ADGRA1: variants seen among roughly 807,000 people sequenced by gnomAD.
ADGRA1 encodes the protein adhesion G protein-coupled receptor A1, also known as G-protein coupled receptor 123.
In ADGRA1, 12 loss-of-function variants were observed where a neutral mutation model predicts 21.3. That is an observed-to-expected ratio of 0.56 (90% CI 0.36 to 0.91). ADGRA1 has a LOEUF of 0.91. Among genes scored for constraint, ADGRA1 ranks in the 40% least tolerant of loss-of-function variants. ADGRA1 has a pLI of 0.01. For missense variants in ADGRA1, 790 were observed against 805.6 expected (o/e 0.98, Z 0.23); for synonymous variants, 385 against 368.8 (o/e 1.04, Z -0.50).
intron 5 of ADGRA1, among the ~76,000 whole-genome samples, chr10:133,108,778 A>C (rs1375611242): frequency 1.3e-5 from 2 of 152,064 alleles, no homozygotes; most frequent in Non-Finnish European, 2.9e-5. Flanking sequence ...TACTGGGTGC[A>C]TGTGGCCCCA....
intron 5 of ADGRA1, among the ~76,000 whole-genome samples, chr10:133,118,281 G>A (rs953889749): frequency 1.3e-5 from 2 of 152,108 alleles, no homozygotes; most frequent in African/African-American, 4.8e-5. Flanking sequence ...GTTAAGGTAC[G>A]TACGTTGTTT....
intron 2 of ADGRA1, among the ~76,000 whole-genome samples, chr10:133,094,367 G>T (rs1851652189): frequency 6.6e-6 from 1 of 152,254 alleles, no homozygotes; most frequent in Non-Finnish European, 1.5e-5. Context: ...GAGGCAGCGG[G>T]ACAGGACGCG....
chr10:133,102,215 C>G (rs899647343), intron 4 of ADGRA1: 1 of 458,154 alleles, frequency 2.2e-6, no homozygotes, highest in African/African-American at 2.0e-5. Flanking sequence ...GAATGAGGAA[C>G]GGCGACCTGC....
intron 6 of ADGRA1, 70 bp downstream of exon 6, chr10:133,127,401 C>G: frequency 8.3e-7 from 1 of 1,203,214 alleles, no homozygotes; most frequent in Non-Finnish European, 1.2e-6. Flanking sequence ...CCCTCCCAGG[C>G]ACCTGTGGTG....
chr10:133,090,196 G>A (rs907998839), intron 2 of ADGRA1, among the ~76,000 whole-genome samples: 7 of 152,204 alleles, frequency 4.6e-5, no homozygotes, highest in Non-Finnish European at 8.8e-5. Flanking sequence ...TGGCCCTTCT[G>A]CGAACAACTG....
At chr10:133,105,449 C>A (rs1345370819) in intron 5 of ADGRA1, among the ~76,000 whole-genome samples, 1 of 152,038 alleles carries the variant, frequency 6.6e-6, no homozygotes, top group East Asian at 1.9e-4. Context: ...TCCTGAGCAG[C>A]CGACGTTTTG....
chr10:133,092,400 T>C (rs551653566), intron 2 of ADGRA1, among the ~76,000 whole-genome samples: 1 of 152,246 alleles, frequency 6.6e-6, no homozygotes, highest in South Asian at 2.1e-4. Context: ...ATTTTAACAC[T>C]TTTTTCCCAA....
At chr10:133,112,534 G>A (rs375065889) in intron 5 of ADGRA1, among the ~76,000 whole-genome samples, 17 of 149,352 alleles carry the variant, frequency 1.1e-4, no homozygotes, top group East Asian at 4.0e-4. Flanking sequence ...TCTGCAGGCC[G>A]CGTCGGTTAT....
chr10:133,106,695 C>T (rs919676467), intron 5 of ADGRA1, among the ~76,000 whole-genome samples: 5 of 152,236 alleles, frequency 3.3e-5, no homozygotes, highest in African/African-American at 1.2e-4. Context: ...CAGATCCTGT[C>T]GAGGTGAGGC....
chr10:133,121,724 A>G (rs1322918797), intron 5 of ADGRA1, among the ~76,000 whole-genome samples: 2 of 63,490 alleles, frequency 3.2e-5, no homozygotes, highest in East Asian at 8.9e-4. Flanking sequence ...TGTGCGTGTG[A>G]GTGTGCTTGT....
chr10:133,092,757 G>GGAAGGAAA (rs1372567421), intron 2 of ADGRA1, among the ~76,000 whole-genome samples: 30 of 129,874 alleles, frequency 2.3e-4, no homozygotes, highest in African/African-American at 9.3e-4. Context: ...GAGGGAGGAA[G>GGAAGGAAA]GAAGGAAGGA....
At chr10:133,094,905 T>C (rs1426063306) in intron 2 of ADGRA1, among the ~76,000 whole-genome samples, 1 of 152,166 alleles carries the variant, frequency 6.6e-6, no homozygotes, top group African/African-American at 2.4e-5. Flanking sequence ...CTGGATAACC[T>C]GATGTCGGGA....
In ADGRA1 at chr10:133,131,311, C is replaced by G. The variant is rs1852522250; in HGVS notation, c.*1800C>G. 6.6e-6 allele frequency: 1 copy of G among 152,370 alleles called. No homozygotes were observed. The highest frequency in any genetic ancestry group is 1.5e-5 in the Non-Finnish European group (1 of 68,122). 9.4% of individuals were successfully genotyped at this position (152,370 alleles called of 1,614,324 possible). A position where few individuals can be genotyped will look rare whatever the true frequency, so the allele number is the denominator to read the frequency against. ...TCGGAGGACCACCAGGTGGCTCTGCCTCTGCCTCACCTTCTCACCTGCTTC... is the reference window on the plus strand; with the variant it reads ...TCGGAGGACCACCAGGTGGCTCTGCGTCTGCCTCACCTTCTCACCTGCTTC... On this transcript the variant is annotated 3_prime_UTR_variant, in exon 7 of 7. Transcript: ENST00000392607.
chr10:133,088,551 C>T (rs1851542870), intron 1 of ADGRA1, 157 bp from the exon 2 acceptor site: 1 of 314,312 alleles, frequency 3.2e-6, no homozygotes, highest in Non-Finnish European at 5.5e-6. Flanking sequence ...CGGTCCCCAC[C>T]GGCACCGCCT....
rs576522918 is a variant in ADGRA1, at chr10:133,129,218, G to T, written c.1390G>T (p.Ala464Ser). 4 of 1,549,914 alleles carry T rather than the reference G, an allele frequency of 2.6e-6. No homozygotes were observed. In the African/African-American group the frequency reaches 5.5e-5, roughly 21 times the overall value. Reference sequence around the variant, plus strand: ...CCCCCCCAGCTCTCTGGATGGCCCGGCGGGGACACACACGCTGGCCTGCTG... The same window carrying T: ...CCCCCCCAGCTCTCTGGATGGCCCGTCGGGGACACACACGCTGGCCTGCTG... The part of the protein sequence containing the change: ...DSPPSSLDGP[A>S]GTHTLACCTQ... Residue 464 changes from alanine to serine, a missense_variant, in exon 7 of 7, where the codon GCG (alanine) becomes TCG (serine). Ala to Ser is a moderately conservative substitution (Grantham distance 99). This residue lies in a region of ADGRA1 where 391 missense variants were observed against 351.5 expected (regional missense o/e 1.11). Transcript: ENST00000392607.
At chr10:133,105,943 C>T (rs1263912741) in intron 5 of ADGRA1, among the ~76,000 whole-genome samples, 1 of 152,228 alleles carries the variant, frequency 6.6e-6, no homozygotes, top group Non-Finnish European at 1.5e-5. Context: ...CAAGCCTGGA[C>T]TCTGCACCGG....
At chr10:133,126,486 G>A (rs1357994079) in intron 5 of ADGRA1, among the ~76,000 whole-genome samples, 3 of 152,172 alleles carry the variant, frequency 2.0e-5, no homozygotes, top group African/African-American at 7.2e-5. Flanking sequence ...GATGGTCTCT[G>A]AGCCGGCCCC....
chr10:133,092,797 G>GGAAGGA (rs757823884), intron 2 of ADGRA1, among the ~76,000 whole-genome samples: 3 of 121,872 alleles, frequency 2.5e-5, no homozygotes, highest in Admixed American at 9.5e-5. Context: ...AAGGAAGGAA[G>GGAAGGA]AGAGGGAGGG....
intron 1 of ADGRA1, 21 bp downstream of exon 1, chr10:133,088,159 T>G: frequency 1.1e-6 from 1 of 948,708 alleles, no homozygotes; most frequent in Non-Finnish European, 1.3e-6. Flanking sequence ...CGCGCGGGTC[T>G]GGGCGGCGGG....
Sources: allele counts gnomAD v4.1 joint callset (sites outside exome capture counted in the v4.1 genomes callset), GRCh38; gene constraint gnomAD v4.1.1; regional missense constraint gnomAD v4.1.1; transcripts MANE v1.5; gene names NCBI Gene and HGNC (gene_info 2026-07-23, HGNC 2026-07-21).